The following CAST variants were observed in gnomAD, a reference collection of about 807,000 sequenced individuals.
CAST encodes MIR583 host.
A neutral mutation model predicts 119.6 loss-of-function variants in CAST; 76 were observed. The ratio of observed to expected loss-of-function variants is 0.64; its 90% CI spans 0.53 to 0.77. The LOEUF is 0.77. Among genes scored for constraint, CAST ranks in the 30% least tolerant of loss-of-function variants. The pLI, the probability that CAST is intolerant of heterozygous loss-of-function variation, is 0.00. For synonymous variants in CAST, 319 were observed against 331.6 expected (o/e 0.96, Z 0.41); for missense variants, 953 against 946.5 (o/e 1.01, Z -0.09).
intron 1 of CAST, among the ~76,000 whole-genome samples, chr5:96,625,308 C>T (rs1222800606): frequency 6.6e-6 from 1 of 152,146 alleles, no homozygotes; most frequent in Non-Finnish European, 1.5e-5. Flanking sequence ...CTCTCTGTCT[C>T]TCATACGCAC....
chr5:96,199,286 G>A, the CAST span, among the ~76,000 whole-genome samples: 2 of 152,066 alleles, frequency 1.3e-5, no homozygotes, highest in African/African-American at 4.8e-5. Context: ...AAGCAGTCCT[G>A]TTCTTGGGCC....
the CAST span, among the ~76,000 whole-genome samples, chr5:95,970,040 G>C: frequency 6.6e-6 from 1 of 152,178 alleles, no homozygotes; most frequent in Non-Finnish European, 1.5e-5. Flanking sequence ...TCTTATGCTT[G>C]AGGGATGTTT....
At chr5:96,665,794 A>G (rs1749259990) in intron 1 of CAST, among the ~76,000 whole-genome samples, 1 of 151,970 alleles carries the variant, frequency 6.6e-6, no homozygotes, top group African/African-American at 2.4e-5. Context: ...ATACAATCCA[A>G]TATACATATA....
intron 1 of CAST, among the ~76,000 whole-genome samples, chr5:96,610,943 C>T (rs188806526): frequency 2.6e-5 from 4 of 152,206 alleles, no homozygotes; most frequent in Non-Finnish European, 2.9e-5. Context: ...CACACACACA[C>T]GCACAGTTAG....
rs2150441016 is a variant in CAST at position 96,729,499 on chromosome 5, C to G, written c.436-113C>G. 3 of 646,744 alleles carry G rather than the reference C, an allele frequency of 4.6e-6. No homozygotes were observed. In the East Asian group the frequency reaches 8.1e-5, roughly 18 times the overall value. 40.1% of individuals were successfully genotyped at this position (646,744 alleles called of 1,614,324 possible). On this transcript the variant is annotated intron_variant, in intron 7 of 31. Coordinates refer to ENST00000675179, the MANE Select transcript of CAST (RefSeq NM_001750.7). ...TAATTTAGAACCACAGACAGCACAA[C>G]TGTTATGAACAATTTTTATTCTATA...
intron 3 of CAST, among the ~76,000 whole-genome samples, chr5:96,706,381 A>G (rs1754978680): frequency 1.3e-5 from 2 of 152,222 alleles, no homozygotes; most frequent in Admixed American, 6.5e-5. Context: ...TATGGCCCAT[A>G]TAACAAATAT....
intron 1 of CAST, chr5:96,546,473 G>A (rs1012383110): frequency 2.0e-5 from 3 of 151,996 alleles, no homozygotes; most frequent in Admixed American, 6.6e-5. Context: ...GTTACCTGAC[G>A]TCCCATGGTA....
chr5:96,499,046 A>C, the CAST span, among the ~76,000 whole-genome samples: 3 of 150,710 alleles, frequency 2.0e-5, no homozygotes, highest in Non-Finnish European at 3.0e-5. Flanking sequence ...AAAAAAAAAG[A>C]AAAAAGAAAA....
At chr5:96,486,835 C>T in the CAST span, among the ~76,000 whole-genome samples, 14 of 152,252 alleles carry the variant, frequency 9.2e-5, no homozygotes, top group African/African-American at 2.6e-4. Flanking sequence ...TCCTGTGAGA[C>T]GTCCCTGGTT....
intron 1 of CAST, among the ~76,000 whole-genome samples, chr5:96,571,206 C>G (rs567877585): frequency 1.6e-4 from 25 of 152,282 alleles, no homozygotes; most frequent in Admixed American, 1.5e-3. Flanking sequence ...GCTCCAAACC[C>G]TGCAGGGCTC....
the CAST span, among the ~76,000 whole-genome samples, chr5:96,169,789 G>A: frequency 6.6e-6 from 1 of 152,132 alleles, no homozygotes; most frequent in Non-Finnish European, 1.5e-5. Context: ...TGGTGAAAAA[G>A]GAGACAATGA....
intron 1 of CAST, among the ~76,000 whole-genome samples, chr5:96,652,169 C>T (rs1031997083): frequency 2.0e-5 from 3 of 152,204 alleles, no homozygotes; most frequent in Non-Finnish European, 4.4e-5. Flanking sequence ...GTCAGAGGAC[C>T]TCCCAGGGAT....
intron 1 of CAST, among the ~76,000 whole-genome samples, chr5:96,530,367 G>A (rs951325821): frequency 6.6e-6 from 1 of 152,188 alleles, no homozygotes; most frequent in Non-Finnish European, 1.5e-5. Context: ...GTCCTTTACT[G>A]AGCTAGAGAA....
the CAST span, among the ~76,000 whole-genome samples, chr5:96,445,476 C>T: frequency 6.6e-6 from 1 of 152,186 alleles, no homozygotes; most frequent in African/African-American, 2.4e-5. Context: ...ATAATGGTTC[C>T]CTTTTGAATG....
chr5:96,243,182 T>C, the CAST span, among the ~76,000 whole-genome samples: 2 of 152,136 alleles, frequency 1.3e-5, no homozygotes, highest in East Asian at 3.9e-4. Flanking sequence ...GCAACTGTTT[T>C]TTTTTTTTTT....
chr5:96,099,094 G>A, the CAST span, among the ~76,000 whole-genome samples: 1 of 152,190 alleles, frequency 6.6e-6, no homozygotes, highest in African/African-American at 2.4e-5. Flanking sequence ...AATTGTGAAT[G>A]AGACTTAGTT....
At chr5:96,694,812 A>G (rs1753093651) in intron 2 of CAST, among the ~76,000 whole-genome samples, 1 of 152,228 alleles carries the variant, frequency 6.6e-6, no homozygotes, top group Admixed American at 6.5e-5. Context: ...TAGTTACATA[A>G]GAAAACACAA....
the CAST span, among the ~76,000 whole-genome samples, chr5:96,093,014 A>G: frequency 6.6e-6 from 1 of 152,204 alleles, no homozygotes; most frequent in East Asian, 1.9e-4. Flanking sequence ...TAGAGGTTTT[A>G]TTGACACATA....
the CAST span, among the ~76,000 whole-genome samples, chr5:96,347,496 C>CT: frequency 1.3e-5 from 2 of 152,174 alleles, no homozygotes; most frequent in Admixed American, 1.3e-4. Context: ...TTTGTTTGTA[C>CT]TAGCATACCA....
Sources: gnomAD v4.1 joint callset for allele counts (sites outside exome capture counted in the v4.1 genomes callset) on GRCh38, gnomAD v4.1.1 for gene constraint, MANE v1.5 for transcripts, NCBI Gene and HGNC (gene_info 2026-07-23, HGNC 2026-07-21) for gene names.